The following CNTRL variants were observed in gnomAD, a reference collection of about 807,000 sequenced individuals.
The protein encoded by CNTRL is 110 kDa centrosomal protein.
In CNTRL, 233 loss-of-function variants were observed where a neutral mutation model predicts 303.7. The observed-to-expected ratio is 0.77, with a 90% CI of 0.69 to 0.86. The LOEUF (loss-of-function observed/expected upper bound fraction) is 0.86, where lower values mean the gene tolerates loss of function less well. Ranked by LOEUF, CNTRL falls within the 40% of genes least tolerant of loss-of-function variation. The pLI is 0.00. For synonymous variants in CNTRL, 900 were observed against 922.2 expected, an observed-to-expected ratio of 0.98 and a Z score of 0.44; for missense variants, 2,524 against 2,650.6, an observed-to-expected ratio of 0.95 and a Z score of 1.05.
chr9:121,141,962 T>G (rs1218569774), intron 18 of CNTRL, 129 bp from the exon 19 acceptor site: 3 of 715,766 alleles, frequency 4.2e-6, no homozygotes, highest in Admixed American at 6.1e-5. Context: ...AAACCATTCC[T>G]GACAACTCAT....
At position 121,118,512 on chromosome 9, in the gene CNTRL, A is replaced by T. The variant is rs144178223; in HGVS notation, c.1622A>T (p.Asp541Val). 3,179 of 1,602,954 alleles carry T rather than the reference A, an allele frequency of 2.0e-3. 5 individuals carry two copies. The highest frequency in any genetic ancestry group is 2.6e-3 in the Admixed American group (150 of 58,176). Residue 541 changes from aspartate (D) to valine (V), a missense_variant, in exon 12 of 44, where the codon GAT becomes GTT. Physicochemically the swap from Asp to Val is radical, Grantham distance 152. Transcript: ENST00000373855. ...ATTAAGGACCTGCAAATAGCCATAG[A>T]TAGCCTGGATTCCAAAGACCCAAAA... ...KEIKDLQIAI[D>V]SLDSKDPKHS... is the part of the protein sequence containing the mutation.
chr9:121,082,919 G>A (rs1386048013), intron 2 of CNTRL, among the ~76,000 whole-genome samples: 6 of 146,290 alleles, frequency 4.1e-5, no homozygotes, highest in East Asian at 2.0e-4. Flanking sequence ...TCAGTGAGCC[G>A]AGATCGTGCC....
At chr9:121,147,151 C>T (rs1375354788) in intron 23 of CNTRL, among the ~76,000 whole-genome samples, 1 of 152,104 alleles carries the variant, frequency 6.6e-6, no homozygotes, top group Non-Finnish European at 1.5e-5. Flanking sequence ...TATAGGCATG[C>T]GCCACCACGC....
chr9:121,145,982 G>A, intron 22 of CNTRL, 126 bp from the exon 23 acceptor site: 3 of 772,602 alleles, frequency 3.9e-6, no homozygotes, highest in South Asian at 4.4e-5. Context: ...ACTTACCAAA[G>A]GGCAGACTGA....
Position 121,112,580 on chromosome 9 carries a change from T to C in CNTRL, c.1122+2T>C. ...CCACTAAATTATTATCCATCAGAGG[T>C]GAGTTATTTTAATTTTTTAGTAATC... is the stretch of plus-strand genomic sequence containing the variant. On this transcript the variant is annotated splice_donor_variant, in intron 9 of 43. Coordinates refer to ENST00000373855, the MANE Select transcript of CNTRL (RefSeq NM_007018.6). LOFTEE classifies it high-confidence loss of function. 6.2e-7 allele frequency: 1 copy of C among 1,611,876 alleles called. No individual in the cohort carries two copies. Among genetic ancestry groups the C allele is most frequent in the Non-Finnish European group, 8.5e-7 (1 of 1,178,648 alleles).
chr9:121,145,552 G>A (rs1588250972), intron 22 of CNTRL, among the ~76,000 whole-genome samples, 167 bp downstream of exon 22: 1 of 152,286 alleles, frequency 6.6e-6, no homozygotes, highest in Admixed American at 6.5e-5. Context: ...AATTTTAAGA[G>A]TATTTTCTGT....
In CNTRL at chr9:121,171,527, G is replaced by A; in HGVS notation, c.6396G>A (p.Glu2132=). The A allele has an allele frequency of 6.2e-7, 1 of 1,613,858 alleles. No homozygotes were observed. The highest frequency in any genetic ancestry group is 8.5e-7 in the Non-Finnish European group (1 of 1,179,852). The change falls in exon 40 of 44, where the codon GAG becomes GAA. Residue 2132 remains glutamate (E), a synonymous_variant. Transcript: ENST00000373855. The part of the protein sequence containing the change: ...LMKELNQMQY[E]YTELKKQMAN... Reference sequence around the variant, plus strand: ...AGGAGCTCAACCAGATGCAGTATGAGTACACGGAGCTCAAGAAACAGGTGT... The same window carrying A: ...AGGAGCTCAACCAGATGCAGTATGAATACACGGAGCTCAAGAAACAGGTGT...
intron 43 of CNTRL, among the ~76,000 whole-genome samples, chr9:121,176,751 T>C (rs2053542267): frequency 6.6e-6 from 1 of 152,204 alleles, no homozygotes; most frequent in Non-Finnish European, 1.5e-5. Context: ...AGTTAAAAGT[T>C]AGGGGGCTGG....
At position 121,145,363 on chromosome 9, in the gene CNTRL, T is replaced by C; in HGVS notation, c.3288T>C (p.Asn1096=). The C allele has an allele frequency of 6.2e-7, 1 of 1,613,408 alleles. No homozygotes were observed. The highest frequency in any genetic ancestry group is 1.1e-5 in the South Asian group (1 of 90,902). Residue 1096 remains asparagine, a synonymous_variant, in exon 22 of 44, where the codon AAT becomes AAC. Transcript: ENST00000373855. ...RQRTEIARLQ[N]VLDLTGSDNK... is the part of the protein sequence containing the mutation. ...GGACAGAGATTGCAAGGCTGCAGAA[T>C]GTACTAGACCTCACTGGAAGTGGTA... is the stretch of plus-strand genomic sequence containing the variant.
intron 1 of CNTRL, among the ~76,000 whole-genome samples, chr9:121,078,672 C>T (rs560382146): frequency 4.6e-5 from 7 of 152,330 alleles, no homozygotes; most frequent in South Asian, 2.1e-4. Flanking sequence ...TCAGTTTTAC[C>T]TGTGCTTCTG....
chr9:121,088,411 AAT>A lies in CNTRL; in HGVS notation c.88_89del (p.Met30GlufsTer3), dbSNP rs1489962741. ...SHSPIPSSMS[N>X]MRSRSLSPLI... ...CTCTCCTATCCCATCATCTATGTCC[AAT>A]ATGAGATCTAGGTCACTTTCACCTT... On this transcript the variant is annotated frameshift_variant, in exon 3 of 44. Transcript: ENST00000373855. LOFTEE classifies it high-confidence loss of function. 2.5e-6 allele frequency: 4 copies of A among 1,612,238 alleles called. No homozygotes were observed. In the Admixed American group the frequency reaches 6.7e-5, roughly 27 times the overall value.
Position 121,088,293 on chromosome 9 carries a change from C to T in CNTRL, c.-31-3C>T. 2.3e-6 allele frequency: 3 copies of T among 1,327,740 alleles called. No homozygotes were observed. Among genetic ancestry groups the T allele is most frequent in the Non-Finnish European group, 3.2e-6 (3 of 926,002 alleles). The allele number at this position is 1,327,740 out of a possible 1,614,324, so 82.2% of individuals were successfully genotyped here. ...TTGTTGAATATACTGAAAACTCTTA[C>T]AGGTTTTGATGAACACCTGGCTTTA... On this transcript the variant is annotated splice_region_variant and splice_polypyrimidine_tract_variant and intron_variant, in intron 2 of 43. Coordinates refer to ENST00000373855, the MANE Select transcript of CNTRL (RefSeq NM_007018.6).
chr9:121,118,384 G>T lies in CNTRL; in HGVS notation c.1494G>T (p.Leu498Phe). 6.2e-7 allele frequency: 1 copy of T among 1,609,358 alleles called. No individual in the cohort carries two copies. Among genetic ancestry groups the T allele is most frequent in the South Asian group, 1.1e-5 (1 of 90,346 alleles). Residue 498 changes from leucine (L) to phenylalanine (F), a missense_variant, in exon 12 of 44, where the codon TTG becomes TTT. By Grantham distance (22) the Leu-to-Phe change is conservative. Coordinates refer to ENST00000373855, the MANE Select transcript of CNTRL (RefSeq NM_007018.6). ...EAGKDLLYKQ[L>F]SGRLQLVNKL... is the part of the protein sequence containing the mutation. The stretch of plus-strand genomic sequence containing the variant: ...GGAAAGACCTTCTTTACAAGCAGTT[G>T]AGTGGTAGACTACAACTTGTAAATA...
chr9:121,122,349 T>A, intron 12 of CNTRL: 1 of 966,520 alleles, frequency 1.0e-6, no homozygotes, highest in Non-Finnish European at 1.2e-6. Flanking sequence ...TTACCAGTAG[T>A]AAATTAAAAA....
chr9:121,084,387 C>T (rs997710133), intron 2 of CNTRL, among the ~76,000 whole-genome samples: 1 of 152,142 alleles, frequency 6.6e-6, no homozygotes. Context: ...GAGATACTAA[C>T]TAGTACATTT....
chr9:121,129,587 C>G, intron 14 of CNTRL, among the ~76,000 whole-genome samples: 1 of 152,186 alleles, frequency 6.6e-6, no homozygotes, highest in East Asian at 1.9e-4. Context: ...CAAACTGAGA[C>G]AATTTGACTT....
intron 6 of CNTRL, among the ~76,000 whole-genome samples, chr9:121,097,412 T>C (rs2048936120): frequency 6.6e-6 from 1 of 152,138 alleles, no homozygotes; most frequent in Non-Finnish European, 1.5e-5. Flanking sequence ...TTATGGGGGC[T>C]CAGATGAAAT....
In CNTRL at chr9:121,169,751, A is replaced by G. The variant is rs369341201; in HGVS notation, c.6211A>G (p.Lys2071Glu). The change falls in exon 39 of 44, where the codon AAG becomes GAG. Residue 2071 changes from lysine (K) to glutamate (E), a missense_variant. Lys to Glu is a moderately conservative substitution (Grantham distance 56). Coordinates refer to ENST00000373855, the MANE Select transcript of CNTRL (RefSeq NM_007018.6). ...CTTGACAGAAAGAAAGAAAGCTGAG[A>G]AGCAGGTGGCCAGCCTGAAGGAAGC... is the stretch of plus-strand genomic sequence containing the variant. ...QFLTERKKAE[K>E]QVASLKEALK... 47 of 1,614,210 alleles carry G rather than the reference A, an allele frequency of 2.9e-5. 1 individual carries two copies. In the African/African-American group the frequency reaches 5.2e-4, roughly 18 times the overall value.
rs775786740 is a variant in CNTRL at position 121,113,604 on chromosome 9, C to A, written c.1225C>A (p.Gln409Lys). Reference protein sequence around the residue: ...ATESYIIDSAQAVQIKKMEPD... With the variant: ...ATESYIIDSAKAVQIKKMEPD... ...AGAGAGTTATATTATTGACAGTGCTCAGGCAGTACAGATCAAGAAGATGGA... is the reference window on the plus strand; with the variant it reads ...AGAGAGTTATATTATTGACAGTGCTAAGGCAGTACAGATCAAGAAGATGGA... Residue 409 changes from glutamine to lysine, a missense_variant, in exon 10 of 44, where the codon CAG (glutamine) becomes AAG (lysine). By Grantham distance (53) the Gln-to-Lys change is moderately conservative (BLOSUM62 1). Coordinates refer to ENST00000373855, the MANE Select transcript of CNTRL (RefSeq NM_007018.6). 9 of 1,608,388 alleles carry A rather than the reference C, an allele frequency of 5.6e-6. No homozygotes were observed. The Admixed American group carries it at 1.5e-4, about 27-fold the overall frequency.
Sources: allele counts gnomAD v4.1 joint callset (sites outside exome capture counted in the v4.1 genomes callset), GRCh38; gene constraint gnomAD v4.1.1; transcripts MANE v1.5; gene names NCBI Gene and HGNC (gene_info 2026-07-23, HGNC 2026-07-21).